CCDC148: variants seen among roughly 807,000 people sequenced by gnomAD.
The protein encoded by CCDC148 is coiled-coil domain-containing protein 148.
CCDC148 carries 89 observed loss-of-function variants against 85.7 expected under a neutral mutation model. The observed-to-expected ratio is 1.04, with a 90% CI of 0.87 to 1.24. The LOEUF (loss-of-function observed/expected upper bound fraction) is 1.24, where lower values mean the gene tolerates loss of function less well. Among genes scored for constraint, CCDC148 ranks in the 50% most tolerant of loss-of-function variants. The pLI is 0.00. For synonymous variants in CCDC148, 230 were observed against 213.9 expected, an observed-to-expected ratio of 1.08 and a Z score of -0.66; for missense variants, 692 against 671.7, an observed-to-expected ratio of 1.03 and a Z score of -0.33.
At chr2:158,257,740 G>A (rs185727974) in intron 9 of CCDC148, among the ~76,000 whole-genome samples, 2 of 151,500 alleles carry the variant, frequency 1.3e-5, no homozygotes, top group East Asian at 3.9e-4. Flanking sequence ...TTATTATTTC[G>A]ACTGTTCCAT....
At chr2:158,444,250 TTTC>T (rs1370530755) in intron 1 of CCDC148, among the ~76,000 whole-genome samples, 5 of 151,780 alleles carry the variant, frequency 3.3e-5, no homozygotes, top group African/African-American at 9.7e-5. Context: ...ATCTTATTAA[TTTC>T]TTCTTCTCTA....
At chr2:158,421,055 G>T (rs1184253943) in intron 1 of CCDC148, among the ~76,000 whole-genome samples, 2 of 152,146 alleles carry the variant, frequency 1.3e-5, no homozygotes, top group Non-Finnish European at 2.9e-5. Flanking sequence ...AAATATATAT[G>T]CACTCAATAC....
At chr2:158,179,892 C>A (rs562514309) in intron 11 of CCDC148, among the ~76,000 whole-genome samples, 64 of 152,266 alleles carry the variant, frequency 4.2e-4, no homozygotes, top group African/African-American at 6.3e-4. Flanking sequence ...CTATTTCCAA[C>A]CCCCTTAAAA....
At chr2:158,205,844 G>A (rs1271280286) in intron 11 of CCDC148, among the ~76,000 whole-genome samples, 1 of 152,112 alleles carries the variant, frequency 6.6e-6, no homozygotes. Context: ...TGATGCAGAG[G>A]GTTCACTGGT....
intron 1 of CCDC148, among the ~76,000 whole-genome samples, chr2:158,454,783 A>C (rs1457376451): frequency 6.6e-6 from 1 of 152,266 alleles, no homozygotes; most frequent in African/African-American, 2.4e-5. Flanking sequence ...TTGTCTAGCA[A>C]TGCTTAGTAG....
chr2:158,327,327 AT>A (rs1470881206), intron 7 of CCDC148, among the ~76,000 whole-genome samples: 3 of 152,198 alleles, frequency 2.0e-5, no homozygotes, highest in Non-Finnish European at 2.9e-5. Context: ...TTAGTTGCAG[AT>A]GATAAAAACT....
At chr2:158,358,008 A>C (rs1303565784) in intron 2 of CCDC148, among the ~76,000 whole-genome samples, 1 of 152,186 alleles carries the variant, frequency 6.6e-6, no homozygotes, top group African/African-American at 2.4e-5. Context: ...GCCTAGGTTC[A>C]CCCTGGCTTG....
chr2:158,444,341 C>T (rs1483188460), intron 1 of CCDC148, among the ~76,000 whole-genome samples: 1 of 152,108 alleles, frequency 6.6e-6, no homozygotes, highest in African/African-American at 2.4e-5. Context: ...GATTTATAAT[C>T]TCTAAGATTC....
intron 1 of CCDC148, among the ~76,000 whole-genome samples, chr2:158,437,887 G>T (rs1384514088): frequency 6.6e-6 from 1 of 152,116 alleles, no homozygotes; most frequent in Non-Finnish European, 1.5e-5. Context: ...GCTTCAAAGA[G>T]AATAAAATAC....
At position 158,441,799 on chromosome 2, in the gene CCDC148, T is replaced by C. The variant is rs537264975; in HGVS notation, c.25+14616A>G. 1.1e-4 allele frequency among the ~76,000 whole-genome samples: 17 copies of C among 152,298 alleles called. No homozygotes were observed. In the South Asian group the frequency reaches 3.5e-3, roughly 32 times the overall value. On this transcript the variant is annotated intron_variant, in intron 1 of 13. Transcript: ENST00000283233. Reference sequence around the variant, plus strand: ...TACTCATTGATTTATCCAGATTTAATATTAATATCTTCCATGTTCATCAAG... The same window carrying C: ...TACTCATTGATTTATCCAGATTTAACATTAATATCTTCCATGTTCATCAAG...
intron 2 of CCDC148, among the ~76,000 whole-genome samples, chr2:158,353,668 G>A (rs192208709): frequency 6.6e-6 from 1 of 152,154 alleles, no homozygotes; most frequent in East Asian, 1.9e-4. Flanking sequence ...GACAGATCAA[G>A]GAGACAGAAA....
chr2:158,215,718 G>T (rs1300527503), intron 11 of CCDC148, among the ~76,000 whole-genome samples: 1 of 152,084 alleles, frequency 6.6e-6, no homozygotes. Flanking sequence ...TAGTCGATTT[G>T]TACATACATA....
chr2:158,248,172 A>G (rs6437153), intron 10 of CCDC148, among the ~76,000 whole-genome samples: 1 of 152,122 alleles, frequency 6.6e-6, no homozygotes, highest in Non-Finnish European at 1.5e-5. Flanking sequence ...ATATGTCAAA[A>G]TATCTTAAAA....
At chr2:158,395,307 C>A (rs1349992431) in intron 1 of CCDC148, among the ~76,000 whole-genome samples, 1 of 152,070 alleles carries the variant, frequency 6.6e-6, no homozygotes, top group Non-Finnish European at 1.5e-5. Context: ...AGCCCAGTCA[C>A]CCCATCTAAT....
chr2:158,231,575 C>T (rs1687858731), intron 10 of CCDC148, among the ~76,000 whole-genome samples: 1 of 152,134 alleles, frequency 6.6e-6, no homozygotes, highest in Non-Finnish European at 1.5e-5. Flanking sequence ...TTAGCATTGC[C>T]TTCTCAGCCT....
chr2:158,274,484 C>T (rs111354856), intron 9 of CCDC148, among the ~76,000 whole-genome samples: 1 of 152,118 alleles, frequency 6.6e-6, no homozygotes, highest in Non-Finnish European at 1.5e-5. Context: ...GATGTCACAT[C>T]CAAATATTTA....
chr2:158,285,784 C>T (rs1489110899), intron 9 of CCDC148, among the ~76,000 whole-genome samples: 1 of 151,994 alleles, frequency 6.6e-6, no homozygotes, highest in Non-Finnish European at 1.5e-5. Context: ...GATCCACCCG[C>T]CTCAGCCTCC....
Position 158,385,567 on chromosome 2 carries a change from T to G in CCDC148, c.26-26997A>C, listed in dbSNP as rs180973774. On this transcript the variant is annotated intron_variant, in intron 1 of 13. Transcript: ENST00000283233. The stretch of plus-strand genomic sequence containing the variant: ...TAAGGAAATAGACATTGGTAGAAAC[T>G]TCTGGCAATTTGTTAAAATGTATAT... 3.2e-4 allele frequency among the ~76,000 whole-genome samples: 48 copies of G among 152,276 alleles called. 1 individual carries two copies. In the East Asian group the frequency reaches 5.2e-3, roughly 17 times the overall value.
chr2:158,352,665 C>G (rs1345620682), intron 2 of CCDC148, among the ~76,000 whole-genome samples: 1 of 152,014 alleles, frequency 6.6e-6, no homozygotes, highest in Non-Finnish European at 1.5e-5. Context: ...GGATATTATC[C>G]AGGAGAACTT....
Sources: allele counts gnomAD v4.1 joint callset (sites outside exome capture counted in the v4.1 genomes callset), GRCh38; gene constraint gnomAD v4.1.1; transcripts MANE v1.5; gene names NCBI Gene and HGNC (gene_info 2026-07-23, HGNC 2026-07-21).